Variants in CPQ observed in about 807,000 individuals in gnomAD.
CPQ encodes carboxypeptidase Q.
Under a neutral mutation model 45.7 loss-of-function variants are expected in CPQ, and 37 were observed. That is an observed-to-expected ratio of 0.81 (90% CI 0.62 to 1.07). The LOEUF (loss-of-function observed/expected upper bound fraction) is 1.07. CPQ is among the 50% of genes least tolerant of loss of function. The pLI is 0.00. For synonymous variants in CPQ, 186 were observed against 205.8 expected, an observed-to-expected ratio of 0.90 and a Z score of 0.82; for missense variants, 537 against 572.9, an observed-to-expected ratio of 0.94 and a Z score of 0.64.
chr8:97,119,290 C>A (rs1269959241), intron 7 of CPQ, among the ~76,000 whole-genome samples: 1 of 140,590 alleles, frequency 7.1e-6, no homozygotes, highest in Non-Finnish European at 1.5e-5. Context: ...GATGGTGCCA[C>A]TGCACTCCAG....
intron 7 of CPQ, among the ~76,000 whole-genome samples, chr8:97,097,869 C>T (rs1225089559): frequency 6.6e-6 from 1 of 152,286 alleles, no homozygotes; most frequent in Non-Finnish European, 1.5e-5. Context: ...GGAAGTACCA[C>T]ACATGACTTC....
At chr8:96,952,697 T>C (rs1813286432) in intron 4 of CPQ, among the ~76,000 whole-genome samples, 1 of 152,150 alleles carries the variant, frequency 6.6e-6, no homozygotes, top group Non-Finnish European at 1.5e-5. Context: ...ATGATTGTTA[T>C]GTATTTCATA....
rs144815341 is a variant in CPQ at position 96,798,457 on chromosome 8, A to G, written c.433+13127A>G. On this transcript the variant is annotated intron_variant, in intron 2 of 7. Transcript: ENST00000220763. ...CCAGCCCCTAGACCTCATCTTAAAG[A>G]CTGGCATTTCAAAGGTTTCTATCTT... Among the ~76,000 whole-genome samples the G allele has an allele frequency of 2.3e-3, 349 of 152,168 alleles. 4 individuals carry two copies. Among genetic ancestry groups the G allele is most frequent in the African/African-American group, 8.2e-3 (341 of 41,534 alleles).
intron 7 of CPQ, among the ~76,000 whole-genome samples, chr8:97,075,355 A>G (rs968450108): frequency 1.3e-5 from 2 of 152,072 alleles, no homozygotes; most frequent in Non-Finnish European, 2.9e-5. Context: ...CTTCTTATCC[A>G]TAGGACTTTC....
chr8:97,080,293 C>G, intron 7 of CPQ, among the ~76,000 whole-genome samples: 1 of 152,146 alleles, frequency 6.6e-6, no homozygotes, highest in Admixed American at 6.6e-5. Flanking sequence ...TCTAATTAGA[C>G]ATACTTAATC....
intron 4 of CPQ, among the ~76,000 whole-genome samples, chr8:96,887,377 C>G (rs747869146): frequency 6.6e-6 from 1 of 152,174 alleles, no homozygotes; most frequent in Non-Finnish European, 1.5e-5. Context: ...CTCCTGAGAG[C>G]GAGCTGCTTT....
At chr8:96,650,551 G>A (rs2130702900) in intron 1 of CPQ, among the ~76,000 whole-genome samples, 1 of 152,328 alleles carries the variant, frequency 6.6e-6, no homozygotes, top group South Asian at 2.1e-4. Context: ...AGATCCCATG[G>A]CTGGCAGGGA....
At chr8:96,718,253 C>G (rs914134378) in intron 1 of CPQ, among the ~76,000 whole-genome samples, 6 of 152,298 alleles carry the variant, frequency 3.9e-5, no homozygotes, top group Admixed American at 6.5e-5. Context: ...TTGGTGGGTT[C>G]TTGGTCTCAC....
chr8:96,916,380 T>C (rs1397885471), intron 4 of CPQ, among the ~76,000 whole-genome samples: 4 of 152,194 alleles, frequency 2.6e-5, no homozygotes, highest in Non-Finnish European at 5.9e-5. Context: ...TATTCTTTAT[T>C]ATACAACTTT....
intron 4 of CPQ, among the ~76,000 whole-genome samples, chr8:96,940,421 G>C (rs1204289310): frequency 6.6e-6 from 1 of 152,160 alleles, no homozygotes; most frequent in African/African-American, 2.4e-5. Context: ...ACTCTTGAAA[G>C]GAATAGTGCT....
intron 7 of CPQ, among the ~76,000 whole-genome samples, chr8:97,078,791 CT>C (rs1810895824): frequency 3.3e-5 from 5 of 150,776 alleles, no homozygotes; most frequent in African/African-American, 1.2e-4. Context: ...CTCTCTCTCT[CT>C]CTCTCTCTCT....
At chr8:96,951,117 T>A (rs1339130973) in intron 4 of CPQ, among the ~76,000 whole-genome samples, 3 of 152,142 alleles carry the variant, frequency 2.0e-5, no homozygotes, top group Non-Finnish European at 4.4e-5. Context: ...TTCTTTCATC[T>A]TTAAACAACG....
chr8:96,964,336 A>C (rs752679530), intron 4 of CPQ, among the ~76,000 whole-genome samples: 1 of 152,096 alleles, frequency 6.6e-6, no homozygotes, highest in Non-Finnish European at 1.5e-5. Context: ...AGCAATGTAC[A>C]AGAGTTCCAG....
At chr8:97,113,051 C>T (rs1423495428) in intron 7 of CPQ, among the ~76,000 whole-genome samples, 1 of 152,060 alleles carries the variant, frequency 6.6e-6, no homozygotes, top group Non-Finnish European at 1.5e-5. Context: ...TTAGACAGCC[C>T]AGGAGAAGAG....
At chr8:97,004,850 A>G (rs779818087) in intron 5 of CPQ, among the ~76,000 whole-genome samples, 9 of 152,162 alleles carry the variant, frequency 5.9e-5, no homozygotes, top group Non-Finnish European at 1.2e-4. Context: ...TTAAACAAAA[A>G]TACCAAAATT....
At chr8:96,949,003 C>A (rs1813225986) in intron 4 of CPQ, among the ~76,000 whole-genome samples, 1 of 152,048 alleles carries the variant, frequency 6.6e-6, no homozygotes. Context: ...CTTTTTCTAG[C>A]CCTTCACTTT....
chr8:97,025,011 A>G (rs373671224), intron 5 of CPQ, among the ~76,000 whole-genome samples: 1 of 152,226 alleles, frequency 6.6e-6, no homozygotes, highest in African/African-American at 2.4e-5. Context: ...TGTTAGGATC[A>G]ATACATATTG....
At chr8:97,098,444 A>C (rs1319361149) in intron 7 of CPQ, among the ~76,000 whole-genome samples, 1 of 151,866 alleles carries the variant, frequency 6.6e-6, no homozygotes, top group Non-Finnish European at 1.5e-5. Flanking sequence ...TCCCCTTCCA[A>C]CTCTAGACAG....
intron 7 of CPQ, among the ~76,000 whole-genome samples, chr8:97,119,906 C>T (rs188543894): frequency 2.0e-5 from 3 of 152,288 alleles, no homozygotes; most frequent in East Asian, 3.9e-4. Context: ...AGTCCATGAT[C>T]AAGACAGAGG....
Sources: allele counts gnomAD v4.1 joint callset (sites outside exome capture counted in the v4.1 genomes callset), GRCh38; gene constraint gnomAD v4.1.1; transcripts MANE v1.5; gene names NCBI Gene and HGNC (gene_info 2026-07-23, HGNC 2026-07-21).